Variants in CDH12 observed in about 807,000 individuals in gnomAD.
CDH12 encodes cadherin 12.
CDH12 carries 41 observed loss-of-function variants against 74.1 expected under a neutral mutation model. The observed-to-expected ratio is 0.55, with a 90% confidence interval of 0.43 to 0.72. The LOEUF is 0.72. Among genes scored for constraint, CDH12 ranks in the 30% least tolerant of loss-of-function variants. The pLI, the probability that CDH12 is intolerant of heterozygous loss-of-function variation, is 0.00. For synonymous variants in CDH12, 399 were observed against 355.0 expected (o/e 1.12, Z -1.39); for missense variants, 945 against 977.2 (o/e 0.97, Z 0.44).
intron 1 of CDH12, among the ~76,000 whole-genome samples, chr5:22,624,410 C>A (rs1254722041): frequency 1.3e-5 from 2 of 152,102 alleles, no homozygotes; most frequent in Non-Finnish European, 2.9e-5. Flanking sequence ...ATCTACTCAT[C>A]TGACAAAGGG....
chr5:22,638,520 G>A (rs1417099956), intron 1 of CDH12, among the ~76,000 whole-genome samples: 1 of 152,040 alleles, frequency 6.6e-6, no homozygotes, highest in Non-Finnish European at 1.5e-5. Context: ...CTGATTATAT[G>A]GTGCCCACCC....
chr5:22,785,740 A>G (rs1747590472), intron 1 of CDH12, among the ~76,000 whole-genome samples: 1 of 151,506 alleles, frequency 6.6e-6, no homozygotes, highest in African/African-American at 2.4e-5. Flanking sequence ...CTGGTTTTGA[A>G]CTCCTGACCC....
intron 2 of CDH12, among the ~76,000 whole-genome samples, chr5:22,428,668 C>A (rs527238766): frequency 2.0e-5 from 3 of 152,084 alleles, no homozygotes; most frequent in Non-Finnish European, 4.4e-5. Flanking sequence ...GGTCCAACAC[C>A]AGAGGCATTG....
intron 1 of CDH12, among the ~76,000 whole-genome samples, chr5:22,679,025 TG>T (rs1391443809): frequency 6.6e-6 from 1 of 152,116 alleles, no homozygotes; most frequent in Non-Finnish European, 1.5e-5. Context: ...AGGTTATCCA[TG>T]GGACGTTCAG....
chr5:22,310,499 A>G (rs988383565), intron 3 of CDH12, among the ~76,000 whole-genome samples: 3 of 151,788 alleles, frequency 2.0e-5, no homozygotes, highest in Non-Finnish European at 4.4e-5. Context: ...AATATAATAA[A>G]CCATTATAAT....
chr5:21,753,969 TATGTGTGTGTTCAAGAG>T (rs1473788626), intron 14 of CDH12, among the ~76,000 whole-genome samples: 7 of 152,100 alleles, frequency 4.6e-5, no homozygotes, highest in Admixed American at 1.3e-4. Context: ...CATAGTAAAC[TATGTGTGTGTTCAAGAG>T]ATAAAGGAAG....
At chr5:21,880,656 T>TTTCTTTCC (rs1752283541) in intron 6 of CDH12, among the ~76,000 whole-genome samples, 1 of 136,034 alleles carries the variant, frequency 7.4e-6, no homozygotes, top group Non-Finnish European at 1.6e-5. Flanking sequence ...TCTTTCTTTC[T>TTTCTTTCC]TTCTTTCTTT....
intron 5 of CDH12, among the ~76,000 whole-genome samples, chr5:22,051,911 A>T (rs1740397037): frequency 1.3e-5 from 2 of 152,158 alleles, no homozygotes; most frequent in Admixed American, 6.5e-5. Flanking sequence ...GAAAGAAAAC[A>T]GTAAGATTTT....
intron 6 of CDH12, 143 bp from the exon 7 acceptor site, chr5:21,854,933 T>C (rs140891980): frequency 3.6e-6 from 2 of 553,784 alleles, no homozygotes; most frequent in East Asian, 6.2e-5. Flanking sequence ...GAGGATAGTT[T>C]AACCGTTATA....
chr5:21,968,592 A>G (rs1431874028), intron 6 of CDH12, among the ~76,000 whole-genome samples: 3 of 152,242 alleles, frequency 2.0e-5, no homozygotes, highest in African/African-American at 7.2e-5. Flanking sequence ...TGCAACATTT[A>G]CCACTGGGAT....
chr5:21,972,891 C>T (rs1293026957), intron 6 of CDH12, among the ~76,000 whole-genome samples: 1 of 151,596 alleles, frequency 6.6e-6, no homozygotes, highest in African/African-American at 2.4e-5. Flanking sequence ...AAAAGAAATA[C>T]CCTTCTGTTA....
chr5:22,174,847 C>G (rs1200359458), intron 4 of CDH12, among the ~76,000 whole-genome samples: 1 of 151,872 alleles, frequency 6.6e-6, no homozygotes, highest in Non-Finnish European at 1.5e-5. Context: ...ATTTGCAAAG[C>G]TATAAATTTT....
chr5:22,309,435 C>T (rs371957357), intron 3 of CDH12, among the ~76,000 whole-genome samples: 2 of 151,894 alleles, frequency 1.3e-5, no homozygotes, highest in Non-Finnish European at 2.9e-5. Flanking sequence ...GAGTAAGCTA[C>T]CAGAGGTTAA....
intron 3 of CDH12, among the ~76,000 whole-genome samples, chr5:22,214,291 G>A (rs1403227452): frequency 6.6e-6 from 1 of 152,032 alleles, no homozygotes; most frequent in African/African-American, 2.4e-5. Context: ...CTCAGCTGGT[G>A]GAGGGTGACA....
At chr5:21,831,711 C>T (rs1279456772) in intron 8 of CDH12, among the ~76,000 whole-genome samples, 3 of 151,356 alleles carry the variant, frequency 2.0e-5, no homozygotes, top group Non-Finnish European at 2.9e-5. Flanking sequence ...CCCTGATTCT[C>T]GGGGGATTGT....
At chr5:22,448,015 G>T (rs1744893223) in intron 2 of CDH12, among the ~76,000 whole-genome samples, 1 of 145,138 alleles carries the variant, frequency 6.9e-6, no homozygotes, top group Non-Finnish European at 1.5e-5. Context: ...AGCCAGGCAT[G>T]GGGAGATATA....
At chr5:21,765,783 T>G (rs918609743) in intron 11 of CDH12, among the ~76,000 whole-genome samples, 4 of 152,054 alleles carry the variant, frequency 2.6e-5, no homozygotes, top group African/African-American at 9.7e-5. Flanking sequence ...CAGGTTTTGG[T>G]CCCACCTATG....
chr5:22,128,068 T>G lies in CDH12; in HGVS notation c.-186-49206A>C, dbSNP rs533925546. 2.7e-4 allele frequency among the ~76,000 whole-genome samples: 41 copies of G among 152,156 alleles called. No homozygotes were observed. The South Asian group carries it at 8.5e-3, about 32-fold the overall frequency. ...ACTTAGTTTCTGAGGTGCCAAAGAT[T>G]GATGTGTGAGCCAAAGTTCATTATT... On this transcript the variant is annotated intron_variant, in intron 4 of 14. Transcript: ENST00000382254.
At chr5:21,883,762 A>G (rs1204452468) in intron 6 of CDH12, 2 of 1,576,758 alleles carry the variant, frequency 1.3e-6, no homozygotes, top group Non-Finnish European at 1.7e-6. Flanking sequence ...GAAAAACTGA[A>G]TGAATGGCTG....
Sources: allele counts gnomAD v4.1 joint callset (sites outside exome capture counted in the v4.1 genomes callset), GRCh38; gene constraint gnomAD v4.1.1; transcripts MANE v1.5; gene names NCBI Gene and HGNC (gene_info 2026-07-23, HGNC 2026-07-21).